The following STXBP5 variants were observed in gnomAD, a reference collection of about 807,000 sequenced individuals.
STXBP5 encodes the protein syntaxin binding protein 5.
In STXBP5, 50 loss-of-function variants were observed where a neutral mutation model predicts 152.4. The observed-to-expected ratio is 0.33, with a 90% CI of 0.26 to 0.42. The LOEUF (loss-of-function observed/expected upper bound fraction) is 0.42, where lower values mean the gene tolerates loss of function less well. Among genes scored for constraint, STXBP5 ranks in the 10% least tolerant of loss-of-function variants. The pLI is 1.00. For missense variants in STXBP5, 1,167 were observed against 1,388.6 expected, an observed-to-expected ratio of 0.84 and a Z score of 2.54; for synonymous variants, 492 against 494.7, an observed-to-expected ratio of 0.99 and a Z score of 0.07.
chr6:147,219,323 A>G (rs1044041026), intron 2 of STXBP5, among the ~76,000 whole-genome samples: 2 of 152,186 alleles, frequency 1.3e-5, no homozygotes, highest in African/African-American at 4.8e-5. Flanking sequence ...TCAGTTTGGT[A>G]AAAATTGTAT....
intron 7 of STXBP5, among the ~76,000 whole-genome samples, chr6:147,273,689 C>T (rs1042231102): frequency 3.3e-5 from 5 of 152,004 alleles, no homozygotes; most frequent in African/African-American, 7.2e-5. Context: ...TGGTGGCTCA[C>T]GCCTGTAATC....
chr6:147,230,219 A>G (rs1263523329), intron 2 of STXBP5, among the ~76,000 whole-genome samples: 1 of 151,858 alleles, frequency 6.6e-6, no homozygotes, highest in African/African-American at 2.4e-5. Flanking sequence ...TTTGCCAAGT[A>G]TTGGTCCTCT....
intron 23 of STXBP5, among the ~76,000 whole-genome samples, chr6:147,359,943 T>C (rs1654986341): frequency 1.3e-5 from 2 of 151,910 alleles, no homozygotes; most frequent in African/African-American, 4.8e-5. Context: ...CTCAAACAAA[T>C]TTACAAGAAA....
At chr6:147,245,967 T>A (rs556240414) in intron 4 of STXBP5, among the ~76,000 whole-genome samples, 1 of 152,242 alleles carries the variant, frequency 6.6e-6, no homozygotes, top group East Asian at 1.9e-4. Context: ...GAGAATCAAT[T>A]CCTGTTGTTT....
intron 9 of STXBP5, among the ~76,000 whole-genome samples, chr6:147,298,141 G>C (rs901582821): frequency 1.3e-5 from 2 of 152,026 alleles, no homozygotes; most frequent in Non-Finnish European, 2.9e-5. Flanking sequence ...GACTGAAAGT[G>C]AAAGTATGGA....
At chr6:147,219,883 G>T (rs1255623726) in intron 2 of STXBP5, among the ~76,000 whole-genome samples, 2 of 127,800 alleles carry the variant, frequency 1.6e-5, no homozygotes, top group African/African-American at 5.9e-5. Context: ...CAGTTTCACT[G>T]ATTTCTTCCT....
intron 5 of STXBP5, among the ~76,000 whole-genome samples, chr6:147,261,216 T>G (rs1230607720): frequency 6.6e-6 from 1 of 152,018 alleles, no homozygotes; most frequent in African/African-American, 2.4e-5. Flanking sequence ...AAATTAATTT[T>G]GTTTGATTTT....
intron 2 of STXBP5, among the ~76,000 whole-genome samples, chr6:147,216,074 C>A (rs1777148817): frequency 6.6e-6 from 1 of 152,188 alleles, no homozygotes; most frequent in East Asian, 1.9e-4. Context: ...GAAAAAACTA[C>A]CTGAAAAATG....
intron 4 of STXBP5, among the ~76,000 whole-genome samples, chr6:147,259,726 G>A (rs374816312): frequency 5.3e-5 from 8 of 151,544 alleles, no homozygotes; most frequent in South Asian, 2.1e-4. Flanking sequence ...TCTGAGAGAC[G>A]AAATGGGGGG....
At chr6:147,244,792 G>A (rs902972118) in intron 4 of STXBP5, among the ~76,000 whole-genome samples, 3 of 151,954 alleles carry the variant, frequency 2.0e-5, no homozygotes, top group Admixed American at 6.6e-5. Flanking sequence ...GTTATTCCAC[G>A]ATTTTCTGCC....
rs544066735 is a variant in STXBP5 at position 147,247,071 on chromosome 6, A to G, written c.431+7801A>G. Among the ~76,000 whole-genome samples, 507 of 152,330 alleles carry G rather than the reference A, an allele frequency of 3.3e-3. 2 individuals are homozygous for G. Among genetic ancestry groups the G allele is most frequent in the African/African-American group, 0.011 (478 of 41,582 alleles). ...ATGCACATTAGTGCATATATTAGTA[A>G]GACATAACCTTAGACAGTTATAAAA... On this transcript the variant is annotated intron_variant, in intron 4 of 27. Transcript: ENST00000321680.
intron 16 of STXBP5, among the ~76,000 whole-genome samples, chr6:147,323,111 C>G (rs1383489212): frequency 6.7e-6 from 1 of 150,150 alleles, no homozygotes; most frequent in Non-Finnish European, 1.5e-5. Flanking sequence ...TTTTCTTCCT[C>G]TACCCTACCT....
At chr6:147,324,647 CTTCT>C (rs1466693497) in intron 16 of STXBP5, among the ~76,000 whole-genome samples, 1 of 151,920 alleles carries the variant, frequency 6.6e-6, no homozygotes, top group Non-Finnish European at 1.5e-5. Context: ...TGGACTGCCG[CTTCT>C]CCTCAGCTTT....
intron 9 of STXBP5, among the ~76,000 whole-genome samples, chr6:147,305,737 G>A (rs1031597291): frequency 5.9e-5 from 9 of 152,154 alleles, no homozygotes. Flanking sequence ...TATTCATTCA[G>A]TAAATACATA....
At chr6:147,318,853 T>C (rs1562484079) in intron 16 of STXBP5, among the ~76,000 whole-genome samples, 1 of 152,236 alleles carries the variant, frequency 6.6e-6, no homozygotes, top group Non-Finnish European at 1.5e-5. Flanking sequence ...TGGTTTTTTT[T>C]CCTTTTGAAT....
intron 4 of STXBP5, among the ~76,000 whole-genome samples, chr6:147,245,496 C>T (rs549111256): frequency 1.3e-5 from 2 of 152,276 alleles, no homozygotes. Flanking sequence ...GCTACAGCAT[C>T]TCAATCTTCT....
chr6:147,337,583 A>G (rs566893476), intron 19 of STXBP5, among the ~76,000 whole-genome samples: 37 of 152,146 alleles, frequency 2.4e-4, no homozygotes, highest in African/African-American at 8.9e-4. Context: ...TATTATGTAT[A>G]GATATGTTAT....
intron 26 of STXBP5, among the ~76,000 whole-genome samples, chr6:147,379,742 C>A (rs1389630633): frequency 6.6e-6 from 1 of 151,834 alleles, no homozygotes; most frequent in Non-Finnish European, 1.5e-5. Context: ...TATAGAAAAT[C>A]CTAAGGAATC....
At chr6:147,371,592 C>G (rs1785543838) in intron 25 of STXBP5, among the ~76,000 whole-genome samples, 1 of 152,090 alleles carries the variant, frequency 6.6e-6, no homozygotes, top group Non-Finnish European at 1.5e-5. Context: ...ACTAATTTGA[C>G]TAAGAGTCTC....
Sources: allele counts gnomAD v4.1 joint callset (sites outside exome capture counted in the v4.1 genomes callset), GRCh38; gene constraint gnomAD v4.1.1; transcripts MANE v1.5; gene names NCBI Gene and HGNC (gene_info 2026-07-23, HGNC 2026-07-21).